GNAL: variants seen among roughly 807,000 people sequenced by gnomAD.
GNAL encodes the protein G protein subunit alpha L, also known as guanine nucleotide-binding protein G(olf) subunit alpha.
A neutral mutation model predicts 55.1 loss-of-function variants in GNAL; 18 were observed. The observed-to-expected ratio is 0.33, with a 90% CI of 0.23 to 0.48. The LOEUF is 0.48. Ranked by LOEUF, GNAL falls within the 20% of genes least tolerant of loss-of-function variation. GNAL has a pLI of 0.99. For synonymous variants in GNAL, 253 were observed against 237.0 expected (o/e 1.07, Z -0.62); for missense variants, 412 against 614.1 (o/e 0.67, Z 3.48).
chr18:11,851,711 GA>G, intron 5 of GNAL: 1 of 1,614,044 alleles, frequency 6.2e-7, no homozygotes, highest in Non-Finnish European at 8.5e-7. Context: ...AATTTCTTGA[GA>G]ATGAGTGCGC....
chr18:11,791,861 C>T (rs2034247504), intron 4 of GNAL, among the ~76,000 whole-genome samples: 1 of 152,170 alleles, frequency 6.6e-6, no homozygotes, highest in South Asian at 2.1e-4. Flanking sequence ...CGAGGGTCTG[C>T]ACCACATCCA....
intron 4 of GNAL, among the ~76,000 whole-genome samples, chr18:11,822,976 A>C (rs1186844562): frequency 6.6e-6 from 1 of 151,998 alleles, no homozygotes; most frequent in Non-Finnish European, 1.5e-5. Flanking sequence ...ATCCAGTTAA[A>C]TTTGTTTCAA....
intron 5 of GNAL, among the ~76,000 whole-genome samples, chr18:11,859,107 C>T (rs80296886): frequency 1.9e-3 from 287 of 152,352 alleles, no homozygotes; most frequent in Middle Eastern, 3.4e-3. Flanking sequence ...TAGGTTACTT[C>T]CTAAACTCTA....
chr18:11,778,062 T>C (rs1411265535), intron 4 of GNAL, among the ~76,000 whole-genome samples: 1 of 152,220 alleles, frequency 6.6e-6, no homozygotes, highest in Non-Finnish European at 1.5e-5. Flanking sequence ...CGCTTTCCCC[T>C]GCAAGTTACC....
chr18:11,872,842 G>A (rs559772947), intron 10 of GNAL, among the ~76,000 whole-genome samples: 5 of 152,316 alleles, frequency 3.3e-5, no homozygotes, highest in South Asian at 4.1e-4. Context: ...AAAGCCACAC[G>A]GGTAGAGTCA....
At chr18:11,876,417 C>T (rs1160676312) in intron 10 of GNAL, among the ~76,000 whole-genome samples, 1 of 142,986 alleles carries the variant, frequency 7.0e-6, no homozygotes, top group Non-Finnish European at 1.5e-5. Context: ...GAGCCGAGAT[C>T]ATGCCACTGC....
At chr18:11,826,029 T>A (rs1244306192) in intron 5 of GNAL, among the ~76,000 whole-genome samples, 1 of 152,184 alleles carries the variant, frequency 6.6e-6, no homozygotes, top group African/African-American at 2.4e-5. Flanking sequence ...TAGAAGAGAT[T>A]CCATAGCATA....
intron 4 of GNAL, among the ~76,000 whole-genome samples, chr18:11,824,342 T>C (rs1202690183): frequency 6.6e-6 from 1 of 152,070 alleles, no homozygotes; most frequent in African/African-American, 2.4e-5. Flanking sequence ...ATAGCTAACA[T>C]ATGGTATTAA....
chr18:11,790,915 C>CT (rs2034217383), intron 4 of GNAL, among the ~76,000 whole-genome samples: 2 of 152,086 alleles, frequency 1.3e-5, no homozygotes, highest in Non-Finnish European at 2.9e-5. Context: ...CCTCAGCTTC[C>CT]CTAAGTTCTG....
Position 11,753,000 on chromosome 18 carries a change from C to A in GNAL, c.449+75C>A. 1 of 788,760 alleles carries A rather than the reference C, an allele frequency of 1.3e-6. No individual in the cohort carries two copies. The highest frequency in any genetic ancestry group is 1.6e-5 in the South Asian group (1 of 63,112). The allele number at this position is 788,760 out of a possible 1,614,324, so 48.9% of individuals were successfully genotyped here. A position where few individuals can be genotyped will look rare whatever the true frequency, so the allele number is the denominator to read the frequency against. Reference sequence around the variant, plus strand: ...CCCAGACGTCCCAAAAGTGCTTTCTCTAAACAATTTTAATTTATTTGATAA... The same window carrying A: ...CCCAGACGTCCCAAAAGTGCTTTCTATAAACAATTTTAATTTATTTGATAA... On this transcript the variant is annotated intron_variant, in intron 2 of 11. Transcript: ENST00000334049. This position sits in a 1 kb window ranked among gnomAD's most constrained non-coding sequence, Gnocchi z 4.5.
At chr18:11,761,971 C>G (rs1460152214) in intron 4 of GNAL, among the ~76,000 whole-genome samples, 1 of 152,218 alleles carries the variant, frequency 6.6e-6, no homozygotes, top group Non-Finnish European at 1.5e-5. Context: ...GTCTTAGGCT[C>G]AGGGCTGCCG....
At chr18:11,833,856 CG>C (rs1452366749) in intron 5 of GNAL, among the ~76,000 whole-genome samples, 2 of 152,148 alleles carry the variant, frequency 1.3e-5, no homozygotes, top group Admixed American at 1.3e-4. Context: ...CTTCGTCACA[CG>C]GAACTGTATG....
intron 4 of GNAL, among the ~76,000 whole-genome samples, chr18:11,794,401 A>G (rs2034321403): frequency 6.6e-6 from 1 of 152,244 alleles, no homozygotes; most frequent in African/African-American, 2.4e-5. Flanking sequence ...TCAGCCATCA[A>G]AAGGAACGAA....
At chr18:11,840,092 T>TG (rs1334139500) in intron 5 of GNAL, among the ~76,000 whole-genome samples, 1 of 152,244 alleles carries the variant, frequency 6.6e-6, no homozygotes, top group Non-Finnish European at 1.5e-5. Context: ...AAGCTACCTT[T>TG]GAACTATGGC....
At chr18:11,799,739 G>A (rs1307995923) in intron 4 of GNAL, among the ~76,000 whole-genome samples, 5 of 152,140 alleles carry the variant, frequency 3.3e-5, no homozygotes, top group Non-Finnish European at 7.4e-5. Context: ...GGGATATTCA[G>A]CCTGTACTAC....
At chr18:11,771,533 C>A (rs1228419291) in intron 4 of GNAL, among the ~76,000 whole-genome samples, 5 of 152,038 alleles carry the variant, frequency 3.3e-5, no homozygotes, top group Non-Finnish European at 7.4e-5. Context: ...GAGCTTAAAC[C>A]CCTAGGACAC....
At chr18:11,769,102 T>C (rs1231564497) in intron 4 of GNAL, among the ~76,000 whole-genome samples, 1 of 94,026 alleles carries the variant, frequency 1.1e-5, no homozygotes, top group Non-Finnish European at 1.8e-5. Flanking sequence ...ATATATATTA[T>C]AATATAGATT....
chr18:11,869,621 A>G lies in GNAL; in HGVS notation c.1031+958A>G, dbSNP rs367671410. ...AAATTTAAGATAGCAGTACAACAAC[A>G]AAAAATAATACAAGATTACAGTGGC... On this transcript the variant is annotated intron_variant, in intron 9 of 11. Coordinates refer to ENST00000334049, the MANE Select transcript of GNAL (RefSeq NM_182978.4). Among the ~76,000 whole-genome samples, 15 of 152,346 alleles carry G rather than the reference A, an allele frequency of 9.8e-5. No homozygotes were observed. In the South Asian group the frequency reaches 3.1e-3, roughly 32 times the overall value.
chr18:11,746,918 A>ATTTCCTTGGAAGTTTC, intron 1 of GNAL: 1 of 539,392 alleles, frequency 1.9e-6, no homozygotes, highest in South Asian at 1.4e-5. Context: ...TTCCTTGGAA[A>ATTTCCTTGGAAGTTTC]CTTAGGACAT....
Sources: gnomAD v4.1 joint callset for allele counts (sites outside exome capture counted in the v4.1 genomes callset) on GRCh38, gnomAD v4.1.1 for gene constraint, Gnocchi (gnomAD v3.1) non-coding constraint, MANE v1.5 for transcripts, NCBI Gene and HGNC (gene_info 2026-07-23, HGNC 2026-07-21) for gene names.